Variants in ZNF215 observed in about 807,000 individuals in gnomAD.
ZNF215 encodes the protein BWSCR2-associated zinc finger protein 2.
A neutral mutation model predicts 27.2 loss-of-function variants in ZNF215; 24 were observed. That is an observed-to-expected ratio of 0.88 (90% CI 0.64 to 1.24). The LOEUF (loss-of-function observed/expected upper bound fraction) is 1.24. ZNF215 is among the 50% of genes most tolerant of loss of function. ZNF215 has a pLI of 0.00. For synonymous variants in ZNF215, 210 were observed against 204.0 expected (o/e 1.03, Z -0.25); for missense variants, 675 against 605.7 (o/e 1.11, Z -1.20).
chr11:6,989,182 T>C (rs2857906), downstream of ZNF215, among the ~76,000 whole-genome samples: 79,140 of 145,036 alleles, frequency 0.55, 22,268 homozygotes, highest in East Asian at 0.68. Context: ...AAAGGTATTA[T>C]GTTGGTGCAA....
downstream of ZNF215, chr11:6,988,241 T>G: frequency 1.0e-6 from 1 of 985,516 alleles, no homozygotes; most frequent in South Asian, 4.7e-5. Flanking sequence ...GGAAGCAGAA[T>G]GAGGGGCACT....
In ZNF215 at chr11:6,941,478, T is replaced by C. The variant is rs1400499359; in HGVS notation, c.401-93T>C. 4.6e-6 allele frequency: 5 copies of C among 1,097,580 alleles called. No homozygotes were observed. The African/African-American group carries it at 7.9e-5, about 17-fold the overall frequency. The allele number at this position is 1,097,580 out of a possible 1,614,324, so 68.0% of individuals were successfully genotyped here. On this transcript the variant is annotated intron_variant, in intron 3 of 6. Coordinates refer to ENST00000278319, the MANE Select transcript of ZNF215 (RefSeq NM_013250.4). ...ATTTTTTTCAAAGTTCTATGGATAA[T>C]TCCTGTGAATATCATATTAAAACAA... is the stretch of plus-strand genomic sequence containing the variant.
intron 6 of ZNF215, among the ~76,000 whole-genome samples, chr11:6,949,793 A>G (rs951836078): frequency 1.1e-4 from 16 of 152,212 alleles, no homozygotes; most frequent in Admixed American, 5.2e-4. Flanking sequence ...TGTTTTAGAC[A>G]TGAAGTCCTT....
chr11:6,932,383 C>T lies in ZNF215; in HGVS notation c.111C>T (p.Pro37=), dbSNP rs532252966. 2.8e-5 allele frequency: 46 copies of T among 1,614,084 alleles called. No individual in the cohort carries two copies. Among genetic ancestry groups the T allele is most frequent in the African/African-American group, 1.3e-4 (10 of 75,008 alleles). Residue 37 remains proline, a synonymous_variant, in exon 3 of 7, where the codon CCC becomes CCT. Coordinates refer to ENST00000278319, the MANE Select transcript of ZNF215 (RefSeq NM_013250.4). ...TGTCTTGGCAGCAGGAAACCAACCC[C>T]GTCGTGGAGACACATGACTCTGAGG... ...ADMSWQQETN[P]VVETHDSEAS...
chr11:6,954,180 C>T (rs982730278), intron 6 of ZNF215, among the ~76,000 whole-genome samples: 2 of 122,616 alleles, frequency 1.6e-5, no homozygotes, highest in Non-Finnish European at 3.5e-5. Context: ...GCTCGGGGGT[C>T]AGGGTTCAGG....
At chr11:6,973,446 GTT>G (rs1405719662) in intron 5 of ZNF215, among the ~76,000 whole-genome samples, 1 of 152,138 alleles carries the variant, frequency 6.6e-6, no homozygotes, top group African/African-American at 2.4e-5. Flanking sequence ...GGTATTTCTA[GTT>G]CTAGATCCCT....
In ZNF215 at chr11:6,956,360, C is replaced by A. The variant is rs758426573; in HGVS notation, c.1383C>A (p.Phe461Leu). The change falls in exon 7 of 7, where the codon TTC becomes TTA. Residue 461 changes from phenylalanine (F) to leucine (L), a missense_variant. Physicochemically the swap from Phe to Leu is conservative, Grantham distance 22. Transcript: ENST00000278319. ...CAACACTCCATTTTGGAAACAATTT[C>A]TATCAATGTGTTAACTGTGGAAAAT... ...NNPTLHFGNNFYQCVNCGKSF... is the reference protein window; with the variant it reads ...NNPTLHFGNNLYQCVNCGKSF... 1 of 1,614,146 alleles carries A rather than the reference C, an allele frequency of 6.2e-7. No individual in the cohort carries two copies. The highest frequency in any genetic ancestry group is 8.5e-7 in the Non-Finnish European group (1 of 1,180,010).
intron 5 of ZNF215, among the ~76,000 whole-genome samples, chr11:6,963,437 A>G (rs1285518320): frequency 1.3e-5 from 2 of 152,092 alleles, no homozygotes; most frequent in Non-Finnish European, 2.9e-5. Context: ...ATGGTTACAT[A>G]TATTCTACAC....
intron 5 of ZNF215, among the ~76,000 whole-genome samples, chr11:6,971,846 A>C (rs980159): frequency 0.88 from 134,127 of 152,130 alleles, 59,204 homozygotes; most frequent in Middle Eastern, 0.94. Flanking sequence ...AATATTGATA[A>C]AGGTGTTTTT....
chr11:6,968,276 G>C (rs764110334), intron 5 of ZNF215, among the ~76,000 whole-genome samples: 18 of 152,054 alleles, frequency 1.2e-4, no homozygotes, highest in Middle Eastern at 3.2e-3. Context: ...GGGCTCTTTT[G>C]TGGTTCCATA....
At chr11:6,988,674 G>C (rs1851085845), downstream of ZNF215, 1 of 152,134 alleles carries the variant, frequency 6.6e-6, no homozygotes, top group Non-Finnish European at 1.5e-5. Flanking sequence ...GCCTGTGTTT[G>C]TTCTTCAGCC....
Position 6,943,621 on chromosome 11 carries a change from T to TA in ZNF215, c.693dup (p.Pro232ThrfsTer7). On this transcript the variant is annotated frameshift_variant, in exon 6 of 7. Transcript: ENST00000278319. LOFTEE classifies it low-confidence loss of function (END_TRUNC). ...AAAAGATGGATAATGGAGAAAGAAA[T>TA]ACCAAGGAAGACTATTTTTGGTAAG... 6.2e-7 allele frequency: 1 copy of TA among 1,613,774 alleles called. No homozygotes were observed. The highest frequency in any genetic ancestry group is 8.5e-7 in the Non-Finnish European group (1 of 1,179,730).
At chr11:6,940,372 A>G (rs1243668792) in intron 3 of ZNF215, among the ~76,000 whole-genome samples, 1 of 152,122 alleles carries the variant, frequency 6.6e-6, no homozygotes, top group Non-Finnish European at 1.5e-5. Flanking sequence ...TGGTGCGAAC[A>G]CCACTCACTG....
chr11:6,952,256 G>A (rs1308356196), intron 6 of ZNF215, among the ~76,000 whole-genome samples: 1 of 152,116 alleles, frequency 6.6e-6, no homozygotes, highest in Non-Finnish European at 1.5e-5. Flanking sequence ...AGGTCTGCTT[G>A]GTGCAGAGCT....
intron 5 of ZNF215, among the ~76,000 whole-genome samples, chr11:6,965,801 A>AT (rs1335334449): frequency 1.3e-5 from 2 of 151,942 alleles, no homozygotes; most frequent in Non-Finnish European, 2.9e-5. Flanking sequence ...TCTCATTGAG[A>AT]TTTTTTTATA....
At chr11:6,992,622 G>T (rs1851127849), downstream of ZNF215, among the ~76,000 whole-genome samples, 4 of 152,230 alleles carry the variant, frequency 2.6e-5, no homozygotes, top group Non-Finnish European at 5.9e-5. Context: ...GTCACATGCT[G>T]TGAGAAAGCT....
At chr11:6,981,198 A>G (rs1311366979) in intron 5 of ZNF215, among the ~76,000 whole-genome samples, 1 of 150,022 alleles carries the variant, frequency 6.7e-6, no homozygotes, top group Non-Finnish European at 1.5e-5. Context: ...GACTTCCACA[A>G]TGGTTGAACT....
chr11:6,937,678 G>C (rs1004795479), intron 3 of ZNF215, among the ~76,000 whole-genome samples: 14 of 151,854 alleles, frequency 9.2e-5, no homozygotes, highest in African/African-American at 3.4e-4. Context: ...ATAGAATTAA[G>C]AGTCCAGAAA....
chr11:6,962,055 A>G (rs894421261), downstream of ZNF215, among the ~76,000 whole-genome samples: 1 of 152,180 alleles, frequency 6.6e-6, no homozygotes, highest in African/African-American at 2.4e-5. Flanking sequence ...TTAGAATAAG[A>G]ATAGTTTAAT....
Sources: gnomAD v4.1 joint callset for allele counts (sites outside exome capture counted in the v4.1 genomes callset) on GRCh38, gnomAD v4.1.1 for gene constraint, MANE v1.5 for transcripts, NCBI Gene and HGNC (gene_info 2026-07-23, HGNC 2026-07-21) for gene names.